OXCT1: variants seen among roughly 807,000 people sequenced by gnomAD.
OXCT1 encodes the protein succinyl-CoA:3-ketoacid coenzyme A transferase 1, mitochondrial.
A neutral mutation model predicts 69.6 loss-of-function variants in OXCT1; 27 were observed. The observed-to-expected ratio is 0.39, with a 90% confidence interval of 0.29 to 0.54. The LOEUF (loss-of-function observed/expected upper bound fraction) is 0.54. OXCT1 is among the 20% of genes least tolerant of loss of function. OXCT1 has a pLI of 0.72. For synonymous variants in OXCT1, 202 were observed against 217.8 expected (o/e 0.93, Z 0.64); for missense variants, 437 against 650.2 (o/e 0.67, Z 3.57).
Position 41,807,392 on chromosome 5 carries a change from T to C in OXCT1, c.779A>G (p.His260Arg). 6.2e-7 allele frequency: 1 copy of C among 1,607,830 alleles called. No individual in the cohort carries two copies. Among genetic ancestry groups the C allele is most frequent in the Non-Finnish European group, 8.5e-7 (1 of 1,174,818 alleles). Residue 260 changes from histidine (H) to arginine (R), a missense_variant, in exon 8 of 17, where the codon CAT becomes CGT. Around this residue, in one of 4 missense-constraint regions of OXCT1, gnomAD observed 252 missense variants for 397.4 expected, o/e 0.63. Transcript: ENST00000196371. ...DIGAFAPEDI[H>R]IPQIYVHRLI... ...GCGATGTACATAAATCTGAGGAATA[T>C]GGATGTCTTCTGGAGCAAATGCTCC...
At chr5:41,826,746 T>A (rs1747825228) in intron 7 of OXCT1, among the ~76,000 whole-genome samples, 1 of 152,114 alleles carries the variant, frequency 6.6e-6, no homozygotes, top group Admixed American at 6.6e-5. Flanking sequence ...TGTGAATTAT[T>A]CCCAATTGTA....
Position 41,828,444 on chromosome 5 carries a change from T to A in OXCT1, c.732+12007A>T, listed in dbSNP as rs117992030. ...TGGCCAGGCTACACATTTCTATACA[T>A]GAGAAACTGGCCGTCAAGTATAAGT... On this transcript the variant is annotated intron_variant, in intron 7 of 16. Coordinates refer to ENST00000196371, the MANE Select transcript of OXCT1 (RefSeq NM_000436.4). Among the ~76,000 whole-genome samples the A allele has an allele frequency of 5.9e-5, 9 of 152,156 alleles. No homozygotes were observed. In the East Asian group the frequency reaches 1.3e-3, roughly 23 times the overall value.
At chr5:41,853,984 A>G (rs1435658105) in intron 3 of OXCT1, among the ~76,000 whole-genome samples, 2 of 152,218 alleles carry the variant, frequency 1.3e-5, no homozygotes, top group Non-Finnish European at 2.9e-5. Flanking sequence ...GTGACAATAT[A>G]CTGACCCAAA....
At chr5:41,736,263 T>A (rs1742879739) in intron 16 of OXCT1, among the ~76,000 whole-genome samples, 1 of 152,144 alleles carries the variant, frequency 6.6e-6, no homozygotes, top group Admixed American at 6.5e-5. Context: ...AGAAATATAA[T>A]CAATATTTGC....
At chr5:41,776,425 T>G (rs1745123719) in intron 13 of OXCT1, among the ~76,000 whole-genome samples, 1 of 152,228 alleles carries the variant, frequency 6.6e-6, no homozygotes, top group African/African-American at 2.4e-5. Flanking sequence ...AACAAAAAAT[T>G]TATTTAAAAA....
At chr5:41,792,121 C>T (rs1252807111) in intron 13 of OXCT1, among the ~76,000 whole-genome samples, 1 of 152,156 alleles carries the variant, frequency 6.6e-6, no homozygotes, top group Admixed American at 6.5e-5. Context: ...CTTATAAGAA[C>T]AATAACCTAT....
intron 8 of OXCT1, among the ~76,000 whole-genome samples, chr5:41,807,006 C>G (rs1488404332): frequency 6.6e-6 from 1 of 151,960 alleles, no homozygotes. Flanking sequence ...ATAAAACCAC[C>G]AAAGACATGA....
chr5:41,812,933 T>C (rs1159756602), intron 7 of OXCT1, among the ~76,000 whole-genome samples: 1 of 151,948 alleles, frequency 6.6e-6, no homozygotes, highest in Non-Finnish European at 1.5e-5. Context: ...ATATACTCCT[T>C]TCCAAAAGGG....
intron 13 of OXCT1, among the ~76,000 whole-genome samples, chr5:41,783,705 T>A (rs1301476562): frequency 6.6e-6 from 1 of 152,204 alleles, no homozygotes; most frequent in Admixed American, 6.5e-5. Flanking sequence ...AATATTTGAT[T>A]AAATTCTTAC....
intron 4 of OXCT1, among the ~76,000 whole-genome samples, chr5:41,852,204 T>A (rs1749206919): frequency 6.6e-6 from 1 of 152,216 alleles, no homozygotes; most frequent in Non-Finnish European, 1.5e-5. Context: ...TTTGTTTTTT[T>A]TGTTTTTGTT....
intron 8 of OXCT1, among the ~76,000 whole-genome samples, chr5:41,806,108 G>T (rs982692939): frequency 3.9e-5 from 6 of 152,026 alleles, no homozygotes; most frequent in Non-Finnish European, 7.4e-5. Flanking sequence ...GTTTCCACCT[G>T]CAAAGTCCAG....
intron 6 of OXCT1, 57 bp downstream of exon 6, chr5:41,842,618 G>C (rs1748682127): frequency 3.4e-6 from 4 of 1,170,500 alleles, no homozygotes; most frequent in Non-Finnish European, 5.2e-6. Flanking sequence ...AATTCACTCT[G>C]ATGTCCATTT....
chr5:41,793,269 C>T (rs1484889413), intron 13 of OXCT1, among the ~76,000 whole-genome samples: 1 of 152,226 alleles, frequency 6.6e-6, no homozygotes, highest in Non-Finnish European at 1.5e-5. Context: ...CTTAAACACA[C>T]ACACAAAGAG....
rs761549997 is a variant in OXCT1 at position 41,842,660 on chromosome 5, A to G, written c.671+15T>C. On this transcript the variant is annotated intron_variant, in intron 6 of 16. Transcript: ENST00000196371. ...TTGCTGATATGCACGAGTGTTTTTA[A>G]AACTATCACAATACCTGAAAATCAC... 3.8e-6 allele frequency: 6 copies of G among 1,578,282 alleles called. No individual in the cohort carries two copies. The highest frequency in any genetic ancestry group is 1.7e-4 in the Middle Eastern group (1 of 6,016).
At chr5:41,764,813 C>T (rs986794098) in intron 13 of OXCT1, among the ~76,000 whole-genome samples, 4 of 152,148 alleles carry the variant, frequency 2.6e-5, no homozygotes, top group African/African-American at 9.7e-5. Flanking sequence ...AAGGAAGTAG[C>T]TCAGGGAGAT....
intron 15 of OXCT1, among the ~76,000 whole-genome samples, chr5:41,745,335 G>A (rs529617150): frequency 2.0e-5 from 3 of 152,024 alleles, no homozygotes; most frequent in Admixed American, 2.0e-4. Context: ...CAGAAATAAA[G>A]ATGTTCTTTG....
At chr5:41,868,640 G>C (rs1395123353) in intron 1 of OXCT1, among the ~76,000 whole-genome samples, 2 of 151,238 alleles carry the variant, frequency 1.3e-5, no homozygotes, top group African/African-American at 4.8e-5. Flanking sequence ...GGAGAATGGC[G>C]TGAACCCGGG....
intron 7 of OXCT1, among the ~76,000 whole-genome samples, chr5:41,827,917 A>G (rs997725900): frequency 2.0e-5 from 3 of 152,130 alleles, no homozygotes; most frequent in Non-Finnish European, 4.4e-5. Flanking sequence ...TACAGATGAA[A>G]AATCAGAGAC....
At chr5:41,829,612 T>C (rs531687761) in intron 7 of OXCT1, among the ~76,000 whole-genome samples, 3 of 152,320 alleles carry the variant, frequency 2.0e-5, no homozygotes, top group East Asian at 1.9e-4. Context: ...TTGTTTAATA[T>C]ATTTTTATCA....
Sources: allele counts gnomAD v4.1 joint callset (sites outside exome capture counted in the v4.1 genomes callset), GRCh38; gene constraint gnomAD v4.1.1; regional missense constraint gnomAD v4.1.1; transcripts MANE v1.5; gene names NCBI Gene and HGNC (gene_info 2026-07-23, HGNC 2026-07-21).